FEM1A: variants seen among roughly 807,000 people sequenced by gnomAD.
FEM1A encodes the protein fem-1 homolog A.
Under a neutral mutation model 0.7 loss-of-function variants are expected in FEM1A, and 1 was observed. The ratio of observed to expected loss-of-function variants is 1.35; its 90% CI spans 0.48 to 6.40. FEM1A has a LOEUF of 6.40. Ranked by LOEUF, FEM1A falls within the 30% of genes most tolerant of loss-of-function variation. The pLI is 0.14. For synonymous variants in FEM1A, 391 were observed against 420.6 expected, an observed-to-expected ratio of 0.93 and a Z score of 0.86; for missense variants, 721 against 918.7, an observed-to-expected ratio of 0.78 and a Z score of 2.78.
rs746225618 is a variant in FEM1A at position 4,793,220 on chromosome 19, G to A, written c.1366G>A (p.Gly456Ser). 6.8e-6 allele frequency: 11 copies of A among 1,613,344 alleles called. No individual in the cohort carries two copies. In the South Asian group the frequency reaches 1.1e-4, roughly 16 times the overall value. ...GGACCGGGCCGCCAAAGGCAGCCTG[G>A]GCACCCAGATCGGCTTTGCAGACCT... Reference protein sequence around the residue: ...LQDRAAKGSLGTQIGFADLMG... With the variant: ...LQDRAAKGSLSTQIGFADLMG... The change falls in exon 1 of 1, where the codon GGC (glycine) becomes AGC (serine). Residue 456 changes from glycine to serine, a missense_variant. This residue lies in a region of FEM1A where 379 missense variants were observed against 454.8 expected (regional missense o/e 0.83). Transcript: ENST00000269856. This position sits in a 1 kb window ranked among gnomAD's most constrained non-coding sequence, Gnocchi z 5.1.
chr19:4,800,821 A>C lies in FEM1A; in HGVS notation c.*6957A>C, dbSNP rs959345732. On this transcript the variant is annotated 3_prime_UTR_variant, in exon 1 of 1. Transcript: ENST00000269856. ...ACCGCTCGAATCACATCACAGGCCG[A>C]AAAGGCCAGATGACCCACCAGGGAC... The C allele has an allele frequency of 6.6e-5, 10 of 152,160 alleles. No individual in the cohort carries two copies. The highest frequency in any genetic ancestry group is 2.2e-4 in the African/African-American group (9 of 41,472). The allele number at this position is 152,160 out of a possible 1,614,324, so 9.4% of individuals were successfully genotyped here.
Position 4,795,726 on chromosome 19 carries a change from G to C in FEM1A, c.*1862G>C, listed in dbSNP as rs2093560432. 6.8e-6 allele frequency: 1 copy of C among 146,722 alleles called. No individual in the cohort carries two copies. Among genetic ancestry groups the C allele is most frequent in the South Asian group, 2.2e-4 (1 of 4,534 alleles). The allele number at this position is 146,722 out of a possible 1,614,324, so 9.1% of individuals were successfully genotyped here. On this transcript the variant is annotated 3_prime_UTR_variant, in exon 1 of 1. Transcript: ENST00000269856. ...GCTTTTTTTTTTTTTTTGAGACAGA[G>C]TCTCACCCTGTCCCCCAGGCTGGAG...
At position 4,791,871 on chromosome 19, in the gene FEM1A, C is replaced by A; in HGVS notation, c.17C>A (p.Ala6Asp). 6.6e-7 allele frequency: 1 copy of A among 1,517,986 alleles called. No homozygotes were observed. Among genetic ancestry groups the A allele is most frequent in the Non-Finnish European group, 8.8e-7 (1 of 1,139,322 alleles). The allele number at this position is 1,517,986 out of a possible 1,614,324, so 94.0% of individuals were successfully genotyped here. Residue 6 changes from alanine to aspartate, a missense_variant, in exon 1 of 1, where the codon GCC becomes GAC. Physicochemically the swap from Ala to Asp is moderately radical, Grantham distance 126. Transcript: ENST00000269856. Reference sequence around the variant, plus strand: ...GCCCGAACCATGGACCTCCGCACCGCCGTGTACAACGCCGCCCGTGATGGC... The same window carrying A: ...GCCCGAACCATGGACCTCCGCACCGACGTGTACAACGCCGCCCGTGATGGC... MDLRT[A>D]VYNAARDGKL...
At position 4,793,210 on chromosome 19, in the gene FEM1A, A is replaced by C. The variant is rs1215051634; in HGVS notation, c.1356A>C (p.Lys452Asn). ...ACGTGCTTCAGGACCGGGCCGCCAA[A>C]GGCAGCCTGGGCACCCAGATCGGCT... ...FSYVLQDRAA[K>N]GSLGTQIGFA... Residue 452 changes from lysine (K) to asparagine (N), a missense_variant, in exon 1 of 1, where the codon AAA (lysine) becomes AAC (asparagine). Physicochemically the swap from Lys to Asn is moderately conservative, Grantham distance 94 (BLOSUM62 0). Transcript: ENST00000269856. The surrounding 1 kb of genome is among the most constrained non-coding windows in gnomAD (Gnocchi z 5.1). 6.2e-7 allele frequency: 1 copy of C among 1,613,414 alleles called. No homozygotes were observed. The highest frequency in any genetic ancestry group is 8.5e-7 in the Non-Finnish European group (1 of 1,180,012).
At position 4,798,951 on chromosome 19, in the gene FEM1A, A is replaced by G. The variant is rs2093564914; in HGVS notation, c.*5087A>G. 6.6e-6 allele frequency: 1 copy of G among 151,882 alleles called. No individual in the cohort carries two copies. Among genetic ancestry groups the G allele is most frequent in the Non-Finnish European group, 1.5e-5 (1 of 68,012 alleles). The allele number at this position is 151,882 out of a possible 1,614,324, so 9.4% of individuals were successfully genotyped here. A position where few individuals can be genotyped will look rare whatever the true frequency, so the allele number is the denominator to read the frequency against. ...CTGGGGATTGTAACTTTAGCCTCAT[A>G]CCTTCTAATGAAGGCCATCTTAAAG... On this transcript the variant is annotated 3_prime_UTR_variant, in exon 1 of 1. Coordinates refer to ENST00000269856, the MANE Select transcript of FEM1A (RefSeq NM_018708.3).
Sources: gnomAD v4.1 joint callset for allele counts on GRCh38, gnomAD v4.1.1 for gene constraint, gnomAD v4.1.1 regional missense constraint, Gnocchi (gnomAD v3.1) non-coding constraint, MANE v1.5 for transcripts, NCBI Gene and HGNC (gene_info 2026-07-23, HGNC 2026-07-21) for gene names.